PLXDC1: variants seen among roughly 807,000 people sequenced by gnomAD.
PLXDC1 encodes plexin domain containing 1.
PLXDC1 carries 39 observed loss-of-function variants against 61.3 expected under a neutral mutation model. The ratio of observed to expected loss-of-function variants is 0.64; its 90% CI spans 0.49 to 0.83. The LOEUF is 0.83. Ranked by LOEUF, PLXDC1 falls within the 40% of genes least tolerant of loss-of-function variation. PLXDC1 has a pLI of 0.00. For synonymous variants in PLXDC1, 212 were observed against 254.5 expected (o/e 0.83, Z 1.59); for missense variants, 596 against 666.5 (o/e 0.89, Z 1.17).
At chr17:39,112,335 G>A (rs1910833954) in intron 2 of PLXDC1, 1 of 152,016 alleles carries the variant, frequency 6.6e-6, no homozygotes, top group Non-Finnish European at 1.5e-5. Context: ...GCTACAGCCT[G>A]CCCTCTTCCC....
At chr17:39,123,481 C>A (rs930929142) in intron 2 of PLXDC1, among the ~76,000 whole-genome samples, 3 of 151,812 alleles carry the variant, frequency 2.0e-5, no homozygotes, top group African/African-American at 7.3e-5. Context: ...TGAGCCACCG[C>A]GCCTGGCCTC....
chr17:39,111,182 T>C (rs756710495), intron 2 of PLXDC1, among the ~76,000 whole-genome samples: 1 of 152,108 alleles, frequency 6.6e-6, no homozygotes, highest in Non-Finnish European at 1.5e-5. Context: ...AAGCCACCAA[T>C]GGTCACTCGT....
chr17:39,117,074 G>T (rs1434250572), intron 2 of PLXDC1, among the ~76,000 whole-genome samples: 1 of 152,246 alleles, frequency 6.6e-6, no homozygotes, highest in East Asian at 1.9e-4. Context: ...GTGGCTCAAT[G>T]ACCAAGACCA....
At chr17:39,101,486 G>A (rs946964088) in intron 7 of PLXDC1, among the ~76,000 whole-genome samples, 31 of 152,178 alleles carry the variant, frequency 2.0e-4, no homozygotes, top group Admixed American at 1.4e-3. Flanking sequence ...AAAGGGAGAC[G>A]GAGAAGAAGG....
intron 2 of PLXDC1, among the ~76,000 whole-genome samples, chr17:39,129,317 CAAAAA>C (rs35923960): frequency 9.2e-6 from 1 of 109,094 alleles, no homozygotes. Flanking sequence ...GACTCTGTCT[CAAAAA>C]AAAAAAAAAA....
chr17:39,095,367 G>GCCCCCACC (rs1555571240), intron 7 of PLXDC1, among the ~76,000 whole-genome samples: 2 of 7,582 alleles, frequency 2.6e-4, no homozygotes, highest in Non-Finnish European at 2.8e-4. Context: ...CTTACGCCCC[G>GCCCCCACC]CCCCCCCCCC....
At chr17:39,099,066 A>G (rs1485181242) in intron 7 of PLXDC1, among the ~76,000 whole-genome samples, 2 of 152,028 alleles carry the variant, frequency 1.3e-5, no homozygotes, top group South Asian at 2.1e-4. Context: ...AGCTGCTGGC[A>G]GTGTCTGGGG....
intron 2 of PLXDC1, among the ~76,000 whole-genome samples, chr17:39,118,088 T>TCCCTCCCTCCCTC (rs1911043833): frequency 9.4e-6 from 1 of 106,632 alleles, no homozygotes; most frequent in Admixed American, 9.2e-5. Flanking sequence ...CTCCCTCCCT[T>TCCCTCCCTCCCTC]CCTTCCTTCC....
intron 1 of PLXDC1, among the ~76,000 whole-genome samples, chr17:39,146,220 G>A (rs1212206263): frequency 6.6e-6 from 1 of 151,940 alleles, no homozygotes; most frequent in Admixed American, 6.6e-5. Flanking sequence ...ACAGGAGTGC[G>A]CCACCACACC....
chr17:39,108,405 G>T, intron 4 of PLXDC1, 160 bp from the exon 5 acceptor site: 2 of 701,778 alleles, frequency 2.8e-6, no homozygotes, highest in Non-Finnish European at 4.8e-6. Context: ...GGTCTGGTGT[G>T]TATGGAGCCA....
upstream of PLXDC1, chr17:39,152,517 G>A: frequency 8.1e-7 from 1 of 1,236,578 alleles, no homozygotes; most frequent in Non-Finnish European, 1.0e-6. Flanking sequence ...GTCAGGACAC[G>A]AAGATGCCTC....
intron 7 of PLXDC1, among the ~76,000 whole-genome samples, chr17:39,099,022 A>G (rs1910325123): frequency 6.6e-6 from 1 of 151,846 alleles, no homozygotes; most frequent in Admixed American, 6.6e-5. Flanking sequence ...GACAAGGAGG[A>G]ACAGGAGACA....
At chr17:39,072,623 G>A (rs1909167361) in intron 11 of PLXDC1, 138 bp from the exon 12 acceptor site, 1 of 691,040 alleles carries the variant, frequency 1.4e-6, no homozygotes, top group South Asian at 1.6e-5. Context: ...GAGGGGAGGA[G>A]ACTTGCTCAA....
intron 6 of PLXDC1, 138 bp from the exon 7 acceptor site, chr17:39,106,091 AC>A: frequency 3.6e-6 from 2 of 557,016 alleles, no homozygotes; most frequent in Non-Finnish European, 6.3e-6. Flanking sequence ...GCCCAGTGGG[AC>A]CCCACCCAAA....
Position 39,112,524 on chromosome 17 carries a change from C to T in PLXDC1, c.256-3133G>A, listed in dbSNP as rs190611078. Among the ~76,000 whole-genome samples the T allele has an allele frequency of 2.3e-5, 3 of 132,422 alleles. No individual in the cohort carries two copies. In the East Asian group the frequency reaches 6.6e-4, roughly 29 times the overall value. The allele number at this position is 132,422 out of a possible 152,430, so 86.9% of individuals were successfully genotyped here. On this transcript the variant is annotated intron_variant, in intron 2 of 13. Transcript: ENST00000315392. Reference sequence around the variant, plus strand: ...CCAGGCTGGAGTGCAGTGGTGCGATCTCAGCTCACTGCAATCTCTACCTCC... The same window carrying T: ...CCAGGCTGGAGTGCAGTGGTGCGATTTCAGCTCACTGCAATCTCTACCTCC...
At chr17:39,128,371 C>A (rs1218068528) in intron 2 of PLXDC1, among the ~76,000 whole-genome samples, 4 of 151,254 alleles carry the variant, frequency 2.6e-5, no homozygotes, top group African/African-American at 7.3e-5. Context: ...GCACAAGCCA[C>A]CATGCCCAGC....
rs1909153923 is a variant in PLXDC1, at chr17:39,072,367, C to G, written c.1222+83G>C. 4 of 939,694 alleles carry G rather than the reference C, an allele frequency of 4.3e-6. No individual in the cohort carries two copies. In the Admixed American group the frequency reaches 6.0e-5, roughly 14 times the overall value. The allele number at this position is 939,694 out of a possible 1,614,324, so 58.2% of individuals were successfully genotyped here. On this transcript the variant is annotated intron_variant, in intron 12 of 13. Transcript: ENST00000315392. ...TCCCTCTCCGCACTCATAAAAATAG[C>G]CCAGGCGACTGCTGCACCCTCTTCT...
At chr17:39,128,141 ATATATATGTGTGTATATATATG>A (rs1911401248) in intron 2 of PLXDC1, among the ~76,000 whole-genome samples, 1 of 113,230 alleles carries the variant, frequency 8.8e-6, no homozygotes, top group African/African-American at 4.1e-5. Context: ...ATATATATGT[ATATATATGTGTGTATATATATG>A]TATATATATG....
intron 1 of PLXDC1, among the ~76,000 whole-genome samples, chr17:39,140,299 A>G (rs1911893081): frequency 7.0e-6 from 1 of 143,586 alleles, no homozygotes; most frequent in Non-Finnish European, 1.6e-5. Context: ...CTGGGCATTC[A>G]ATTTCTTTTT....
Sources: gnomAD v4.1 joint callset for allele counts (sites outside exome capture counted in the v4.1 genomes callset) on GRCh38, gnomAD v4.1.1 for gene constraint, MANE v1.5 for transcripts, NCBI Gene and HGNC (gene_info 2026-07-23, HGNC 2026-07-21) for gene names.